Variants in PPARGC1A observed in about 807,000 individuals in gnomAD.
The protein encoded by PPARGC1A is peroxisome proliferator-activated receptor gamma coactivator 1-alpha.
In PPARGC1A, 25 loss-of-function variants were observed where a neutral mutation model predicts 88.7. The ratio of observed to expected loss-of-function variants is 0.28; its 90% CI spans 0.21 to 0.39. The LOEUF (loss-of-function observed/expected upper bound fraction) is 0.39, where lower values mean the gene tolerates loss of function less well. Among genes scored for constraint, PPARGC1A ranks in the 10% least tolerant of loss-of-function variants. The pLI is 1.00. For missense variants in PPARGC1A, 880 were observed against 968.7 expected (o/e 0.91, Z 1.22); for synonymous variants, 363 against 355.6 (o/e 1.02, Z -0.24).
the PPARGC1A span, among the ~76,000 whole-genome samples, chr4:24,312,679 T>TTC: frequency 6.6e-6 from 1 of 151,482 alleles, no homozygotes; most frequent in Non-Finnish European, 1.5e-5. Context: ...CACTGTCATG[T>TTC]TCTCTCTCTC....
At chr4:24,126,267 C>CCACACA in the PPARGC1A span, among the ~76,000 whole-genome samples, 1,621 of 146,522 alleles carry the variant, frequency 0.011, 27 homozygotes, top group African/African-American at 0.035. Context: ...TGGCTTCTCA[C>CCACACA]CACACACACA....
At chr4:24,230,969 C>CGAA in the PPARGC1A span, among the ~76,000 whole-genome samples, 4 of 102,972 alleles carry the variant, frequency 3.9e-5, no homozygotes, top group Admixed American at 3.6e-4. Flanking sequence ...TAAAAAAAGA[C>CGAA]GAAGAAGAAG....
chr4:24,254,552 T>C, the PPARGC1A span, among the ~76,000 whole-genome samples: 12 of 152,260 alleles, frequency 7.9e-5, no homozygotes, highest in African/African-American at 2.6e-4. Flanking sequence ...AAGTCAGAAT[T>C]TGGGGGACAT....
At chr4:23,906,367 C>T (rs1336170192), upstream of PPARGC1A, among the ~76,000 whole-genome samples, 1 of 151,604 alleles carries the variant, frequency 6.6e-6, no homozygotes, top group African/African-American at 2.4e-5. Context: ...AATCCCAGCA[C>T]TTTGTGAGGT....
chr4:24,106,082 C>T, the PPARGC1A span, among the ~76,000 whole-genome samples: 1 of 152,306 alleles, frequency 6.6e-6, no homozygotes, highest in African/African-American at 2.4e-5. Context: ...TATCCCAGAT[C>T]AGCACTTCCA....
chr4:24,248,553 G>T, the PPARGC1A span, among the ~76,000 whole-genome samples: 1 of 152,130 alleles, frequency 6.6e-6, no homozygotes, highest in African/African-American at 2.4e-5. Flanking sequence ...TGTAACTACA[G>T]AGAACGAAAG....
chr4:23,901,810 C>A (rs76856126), upstream of PPARGC1A, among the ~76,000 whole-genome samples: 185 of 152,262 alleles, frequency 1.2e-3, 1 homozygote, highest in Non-Finnish European at 1.5e-3. Flanking sequence ...AATTTGTGAT[C>A]AATCATATAA....
chr4:24,308,232 C>T, the PPARGC1A span, among the ~76,000 whole-genome samples: 1 of 131,966 alleles, frequency 7.6e-6, no homozygotes, highest in East Asian at 2.3e-4. Flanking sequence ...GTGGAGGTTG[C>T]AGTGAGCAGA....
At chr4:24,108,626 ATTCTGC>A in the PPARGC1A span, among the ~76,000 whole-genome samples, 1 of 152,264 alleles carries the variant, frequency 6.6e-6, no homozygotes, top group East Asian at 1.9e-4. Context: ...CATTATCCTC[ATTCTGC>A]AGATGAGGAA....
chr4:24,288,448 C>T, the PPARGC1A span, among the ~76,000 whole-genome samples: 1 of 152,174 alleles, frequency 6.6e-6, no homozygotes, highest in Non-Finnish European at 1.5e-5. Context: ...CAATTATCAA[C>T]TAAGGGGCAG....
chr4:23,927,170 T>G, the PPARGC1A span, among the ~76,000 whole-genome samples: 2 of 152,222 alleles, frequency 1.3e-5, no homozygotes, highest in Admixed American at 6.5e-5. Flanking sequence ...AAAGCCTATT[T>G]TATAATAAAA....
chr4:24,341,798 A>G, the PPARGC1A span, among the ~76,000 whole-genome samples: 2 of 152,188 alleles, frequency 1.3e-5, no homozygotes, highest in Non-Finnish European at 2.9e-5. Flanking sequence ...CAGGGTCCCA[A>G]TCTGTTTTGC....
At chr4:24,082,040 T>C in the PPARGC1A span, among the ~76,000 whole-genome samples, 1 of 152,140 alleles carries the variant, frequency 6.6e-6, no homozygotes, top group Non-Finnish European at 1.5e-5. Context: ...ATCCAACGGT[T>C]TCCAGGACAC....
At chr4:24,171,141 G>T in the PPARGC1A span, among the ~76,000 whole-genome samples, 1 of 152,074 alleles carries the variant, frequency 6.6e-6, no homozygotes, top group Non-Finnish European at 1.5e-5. Context: ...GCCAGGCGCG[G>T]TGGCTCACGC....
At chr4:24,122,027 G>T in the PPARGC1A span, among the ~76,000 whole-genome samples, 18 of 152,086 alleles carry the variant, frequency 1.2e-4, no homozygotes, top group Non-Finnish European at 2.4e-4. Flanking sequence ...AGAGAAAAGG[G>T]ATGAGCTGGA....
chr4:23,896,376 C>T (rs1219334121), intron 1 of PPARGC1A, among the ~76,000 whole-genome samples: 1 of 152,090 alleles, frequency 6.6e-6, no homozygotes. Flanking sequence ...GGGAATGTAG[C>T]AGATAGAAAT....
chr4:24,357,981 T>A, the PPARGC1A span, among the ~76,000 whole-genome samples: 1 of 152,190 alleles, frequency 6.6e-6, no homozygotes, highest in Non-Finnish European at 1.5e-5. Flanking sequence ...GCTTAATCTA[T>A]CTCTAAAGGT....
At chr4:24,382,582 G>C in the PPARGC1A span, among the ~76,000 whole-genome samples, 1 of 152,204 alleles carries the variant, frequency 6.6e-6, no homozygotes. Flanking sequence ...TGTAGGCTCG[G>C]AAGCCCTGTT....
At chr4:23,807,452 C>T (rs1424454624) in intron 10 of PPARGC1A, among the ~76,000 whole-genome samples, 1 of 152,034 alleles carries the variant, frequency 6.6e-6, no homozygotes, top group African/African-American at 2.4e-5. Context: ...GTGAATAAGT[C>T]CAGGTTAGTC....
Sources: gnomAD v4.1 joint callset for allele counts (sites outside exome capture counted in the v4.1 genomes callset) on GRCh38, gnomAD v4.1.1 for gene constraint, MANE v1.5 for transcripts, NCBI Gene and HGNC (gene_info 2026-07-23, HGNC 2026-07-21) for gene names.